Variants in DIP2C observed in about 807,000 individuals in gnomAD.
DIP2C encodes disco-interacting protein 2 homolog C.
DIP2C carries 33 observed loss-of-function variants against 192.4 expected under a neutral mutation model. That is an observed-to-expected ratio of 0.17 (90% CI 0.13 to 0.23). The LOEUF is 0.23. Among genes scored for constraint, DIP2C ranks in the 10% least tolerant of loss-of-function variants. The pLI is 1.00. For missense variants in DIP2C, 1,537 were observed against 2,110.1 expected, an observed-to-expected ratio of 0.73 and a Z score of 5.32; for synonymous variants, 979 against 864.1, an observed-to-expected ratio of 1.13 and a Z score of -2.33.
At chr10:577,808 CTTTT>C (rs1294231696) in intron 1 of DIP2C, among the ~76,000 whole-genome samples, 3 of 148,480 alleles carry the variant, frequency 2.0e-5, no homozygotes, top group Non-Finnish European at 4.4e-5. Flanking sequence ...TGTTTTGTTT[CTTTT>C]GTTTTTTTGT....
At chr10:369,254 C>A (rs1277304383) in intron 18 of DIP2C, among the ~76,000 whole-genome samples, 3 of 152,210 alleles carry the variant, frequency 2.0e-5, no homozygotes, top group Non-Finnish European at 4.4e-5. Context: ...CAGGGAAGAG[C>A]AGCCTGAGGT....
At chr10:645,784 G>A (rs1305030574) in intron 1 of DIP2C, among the ~76,000 whole-genome samples, 1 of 152,138 alleles carries the variant, frequency 6.6e-6, no homozygotes, top group African/African-American at 2.4e-5. Context: ...GGGCTATTTT[G>A]CCTATTTCCC....
intron 31 of DIP2C, among the ~76,000 whole-genome samples, chr10:318,083 G>A (rs1285510352): frequency 6.6e-6 from 1 of 152,194 alleles, no homozygotes; most frequent in African/African-American, 2.4e-5. Context: ...CATCACGGTG[G>A]CTTCCTGGGG....
At chr10:318,269 T>C (rs1395619835) in intron 31 of DIP2C, among the ~76,000 whole-genome samples, 2 of 152,214 alleles carry the variant, frequency 1.3e-5, no homozygotes, top group East Asian at 3.8e-4. Context: ...CTTGTGGCTC[T>C]GTAGGAAGTA....
At chr10:353,108 T>A (rs1958902581) in intron 24 of DIP2C, among the ~76,000 whole-genome samples, 1 of 152,028 alleles carries the variant, frequency 6.6e-6, no homozygotes, top group African/African-American at 2.4e-5. Flanking sequence ...AACCATTTCA[T>A]CAGAGAAATG....
At chr10:410,223 G>C (rs1589727806) in intron 8 of DIP2C, among the ~76,000 whole-genome samples, 1 of 152,330 alleles carries the variant, frequency 6.6e-6, no homozygotes, top group Middle Eastern at 3.4e-3. Flanking sequence ...ATCTTTGATT[G>C]TTCTGGTTCC....
intron 1 of DIP2C, among the ~76,000 whole-genome samples, chr10:519,155 C>T (rs1564813369): frequency 2.0e-5 from 3 of 152,228 alleles, no homozygotes; most frequent in Non-Finnish European, 4.4e-5. Context: ...GCTCAGGTAA[C>T]CCAGGCCTAA....
At chr10:613,609 G>A (rs749823384) in intron 1 of DIP2C, among the ~76,000 whole-genome samples, 10 of 152,212 alleles carry the variant, frequency 6.6e-5, no homozygotes, top group Non-Finnish European at 1.5e-4. Flanking sequence ...CATGGTAATT[G>A]GGATGGGGAC....
At chr10:331,803 A>G (rs1486926625) in intron 29 of DIP2C, among the ~76,000 whole-genome samples, 3 of 152,272 alleles carry the variant, frequency 2.0e-5, no homozygotes, top group Non-Finnish European at 4.4e-5. Context: ...GGTTAGGCAC[A>G]TAAGGGGTGA....
intron 1 of DIP2C, among the ~76,000 whole-genome samples, chr10:579,382 G>A (rs1294917819): frequency 6.6e-6 from 1 of 151,914 alleles, no homozygotes; most frequent in East Asian, 1.9e-4. Flanking sequence ...TTCACTATGT[G>A]TGTACAGTGT....
Position 486,347 on chromosome 10 carries a change from C to T in DIP2C, c.157+112G>A, listed in dbSNP as rs146729716. On this transcript the variant is annotated intron_variant, in intron 2 of 36. Coordinates refer to ENST00000280886, the MANE Select transcript of DIP2C (RefSeq NM_014974.3). ...GAATGCCTGGAGGGTGAACGCCAGA[C>T]GCCTCCTCCTGCCGACTGGGAAGCA... is the stretch of plus-strand genomic sequence containing the variant. The T allele has an allele frequency of 9.0e-4, 890 of 986,178 alleles. 4 individuals carry two copies. In the African/African-American group the frequency reaches 0.013, roughly 15 times the overall value. The allele number at this position is 986,178 out of a possible 1,614,324, so 61.1% of individuals were successfully genotyped here. A position where few individuals can be genotyped will look rare whatever the true frequency, so the allele number is the denominator to read the frequency against.
At chr10:309,268 A>T (rs574198490) in intron 32 of DIP2C, among the ~76,000 whole-genome samples, 1 of 151,956 alleles carries the variant, frequency 6.6e-6, no homozygotes, top group East Asian at 1.9e-4. Context: ...TGCTTTCTGG[A>T]GTCCTCACAC....
chr10:518,262 A>C (rs910479030), intron 1 of DIP2C, among the ~76,000 whole-genome samples: 2 of 152,192 alleles, frequency 1.3e-5, no homozygotes, highest in African/African-American at 4.8e-5. Context: ...CTGCTGCCTG[A>C]CTGACTCCTT....
intron 3 of DIP2C, among the ~76,000 whole-genome samples, chr10:464,265 C>T (rs1234038775): frequency 6.6e-6 from 1 of 152,078 alleles, no homozygotes; most frequent in East Asian, 1.9e-4. Flanking sequence ...GGGCTAATAT[C>T]CAGCATCTAC....
chr10:471,411 C>T (rs188831661), intron 3 of DIP2C, among the ~76,000 whole-genome samples: 2 of 152,240 alleles, frequency 1.3e-5, no homozygotes, highest in East Asian at 3.9e-4. Flanking sequence ...TCCTCGACCA[C>T]CAGGTGAGTT....
chr10:422,004 T>A (rs895036784), intron 5 of DIP2C, among the ~76,000 whole-genome samples: 2 of 151,894 alleles, frequency 1.3e-5, no homozygotes, highest in Non-Finnish European at 2.9e-5. Context: ...TGTGGGCTAT[T>A]TAATCACAAT....
chr10:368,585 G>T (rs1476626647), intron 18 of DIP2C, among the ~76,000 whole-genome samples: 1 of 152,234 alleles, frequency 6.6e-6, no homozygotes, highest in African/African-American at 2.4e-5. Flanking sequence ...AGGCGAGACA[G>T]CTTCTGGAGT....
chr10:671,776 C>T (rs1830655499), intron 1 of DIP2C, among the ~76,000 whole-genome samples: 1 of 139,102 alleles, frequency 7.2e-6, no homozygotes, highest in Admixed American at 7.1e-5. Context: ...GGAAACGCCA[C>T]AGACGCACGG....
At chr10:660,742 T>C (rs1046336218) in intron 1 of DIP2C, among the ~76,000 whole-genome samples, 7 of 152,144 alleles carry the variant, frequency 4.6e-5, no homozygotes, top group South Asian at 2.1e-4. Context: ...AGAAAACAAA[T>C]AACATTCTCC....
Sources: allele counts gnomAD v4.1 joint callset (sites outside exome capture counted in the v4.1 genomes callset), GRCh38; gene constraint gnomAD v4.1.1; transcripts MANE v1.5; gene names NCBI Gene and HGNC (gene_info 2026-07-23, HGNC 2026-07-21).